SCAMP1: variants seen among roughly 807,000 people sequenced by gnomAD.
The protein encoded by SCAMP1 is secretory carrier membrane protein 1, also known as secretory carrier-associated membrane protein 1.
A neutral mutation model predicts 41.8 loss-of-function variants in SCAMP1; 15 were observed. The ratio of observed to expected loss-of-function variants is 0.36; its 90% CI spans 0.24 to 0.55. SCAMP1 has a LOEUF of 0.55. Among genes scored for constraint, SCAMP1 ranks in the 20% least tolerant of loss-of-function variants. The pLI is 0.86. For missense variants in SCAMP1, 341 were observed against 412.6 expected (o/e 0.83, Z 1.50); for synonymous variants, 135 against 136.8 (o/e 0.99, Z 0.09).
chr5:78,390,098 C>T (rs1355577447), intron 2 of SCAMP1, among the ~76,000 whole-genome samples: 1 of 152,078 alleles, frequency 6.6e-6, no homozygotes, highest in Admixed American at 6.5e-5. Flanking sequence ...GAGCCCTTAA[C>T]CTGTGGGATC....
chr5:78,425,971 G>A (rs1231344667), intron 6 of SCAMP1, among the ~76,000 whole-genome samples: 2 of 150,834 alleles, frequency 1.3e-5, no homozygotes, highest in Non-Finnish European at 2.9e-5. Flanking sequence ...ACAGGCCCTG[G>A]TTTGTGATGT....
intron 6 of SCAMP1, among the ~76,000 whole-genome samples, chr5:78,437,526 C>CATAAG (rs1752790152): frequency 6.6e-6 from 1 of 152,134 alleles, no homozygotes; most frequent in African/African-American, 2.4e-5. Context: ...TATTGATTTG[C>CATAAG]GCATGTTGAA....
chr5:78,417,697 G>T (rs900548305), intron 4 of SCAMP1, among the ~76,000 whole-genome samples: 15 of 152,106 alleles, frequency 9.9e-5, no homozygotes, highest in African/African-American at 3.6e-4. Flanking sequence ...AGAGTAAGTT[G>T]CCCAAGGCGA....
intron 1 of SCAMP1, among the ~76,000 whole-genome samples, chr5:78,371,184 C>G (rs1453934785): frequency 1.3e-5 from 2 of 152,012 alleles, no homozygotes; most frequent in African/African-American, 4.8e-5. Flanking sequence ...GTTCAAATTA[C>G]CTATTTTTTG....
intron 2 of SCAMP1, among the ~76,000 whole-genome samples, chr5:78,400,760 AT>A (rs899292719): frequency 6.6e-6 from 1 of 152,026 alleles, no homozygotes; most frequent in African/African-American, 2.4e-5. Flanking sequence ...GTACCATTGA[AT>A]TTTCCATGTT....
intron 6 of SCAMP1, among the ~76,000 whole-genome samples, chr5:78,424,884 AAG>A (rs1752428382): frequency 3.3e-5 from 5 of 152,236 alleles, no homozygotes; most frequent in Admixed American, 2.6e-4. Flanking sequence ...CAGACTGAGA[AAG>A]AGTATTTGCA....
At chr5:78,465,306 A>C (rs1407070968) in intron 8 of SCAMP1, among the ~76,000 whole-genome samples, 1 of 152,170 alleles carries the variant, frequency 6.6e-6, no homozygotes, top group Non-Finnish European at 1.5e-5. Flanking sequence ...TTGCTTTGGA[A>C]CCATACAACT....
chr5:78,454,603 T>C (rs1580709011), intron 7 of SCAMP1, among the ~76,000 whole-genome samples: 1 of 152,150 alleles, frequency 6.6e-6, no homozygotes, highest in Non-Finnish European at 1.5e-5. Flanking sequence ...TATTGAGGAT[T>C]TTTGCGTCAA....
chr5:78,469,583 A>G (rs962880421), intron 8 of SCAMP1, among the ~76,000 whole-genome samples: 1 of 151,926 alleles, frequency 6.6e-6, no homozygotes, highest in African/African-American at 2.4e-5. Flanking sequence ...CTAAATTATT[A>G]TTATCTTAGG....
chr5:78,430,481 T>C (rs905207528), intron 6 of SCAMP1, among the ~76,000 whole-genome samples: 1 of 151,760 alleles, frequency 6.6e-6, no homozygotes, highest in Non-Finnish European at 1.5e-5. Flanking sequence ...TCATCCTTTC[T>C]GTTTATATAA....
chr5:78,453,324 A>AT lies in SCAMP1; in HGVS notation c.734+3290_734+3291insT, dbSNP rs1753293198. ...TAGGGTTTTTATGGTTTTAGGTCTA[A>AT]CGTTTAAGTCTTTAATCCATCTTGA... On this transcript the variant is annotated intron_variant, in intron 7 of 8. Transcript: ENST00000621999. Among the ~76,000 whole-genome samples the AT allele has an allele frequency of 4.0e-5, 6 of 149,166 alleles. No individual in the cohort carries two copies. In the East Asian group the frequency reaches 9.8e-4, roughly 24 times the overall value.
At chr5:78,387,661 G>C (rs954748139) in intron 1 of SCAMP1, among the ~76,000 whole-genome samples, 1 of 152,090 alleles carries the variant, frequency 6.6e-6, no homozygotes, top group Non-Finnish European at 1.5e-5. Flanking sequence ...CCCTTGATGT[G>C]GTGCTCCTCC....
intron 8 of SCAMP1, among the ~76,000 whole-genome samples, chr5:78,460,751 T>TCCGTCCGTC (rs1388438876): frequency 1.0e-4 from 1 of 9,830 alleles, no homozygotes; most frequent in African/African-American, 5.3e-4. Context: ...TCTCCTTCCT[T>TCCGTCCGTC]CCTTCCTTCC....
In SCAMP1 at chr5:78,449,916, CTTT is replaced by C; in HGVS notation, c.633-8_633-6del. ...CCCTAACCCCCTTTTTTCTTTCTTT[CTTT>C]TTTTTTTTCAAAGGAGTGACAGTTC... On this transcript the variant is annotated splice_polypyrimidine_tract_variant and intron_variant, in intron 6 of 8. Coordinates refer to ENST00000621999, the MANE Select transcript of SCAMP1 (RefSeq NM_004866.6). 2 of 1,089,500 alleles carry C rather than the reference CTTT, an allele frequency of 1.8e-6. No individual in the cohort carries two copies. Among genetic ancestry groups the C allele is most frequent in the South Asian group, 1.9e-5 (1 of 53,484 alleles). The allele number at this position is 1,089,500 out of a possible 1,614,324, so 67.5% of individuals were successfully genotyped here. A position where few individuals can be genotyped will look rare whatever the true frequency, so the allele number is the denominator to read the frequency against.
At chr5:78,432,692 G>A (rs1481582539) in intron 6 of SCAMP1, among the ~76,000 whole-genome samples, 1 of 151,870 alleles carries the variant, frequency 6.6e-6, no homozygotes, top group African/African-American at 2.4e-5. Flanking sequence ...GTACGTGTGT[G>A]CAATGTGTGT....
intron 2 of SCAMP1, among the ~76,000 whole-genome samples, chr5:78,397,270 C>G (rs1389761902): frequency 6.6e-6 from 1 of 152,188 alleles, no homozygotes; most frequent in Non-Finnish European, 1.5e-5. Context: ...GCTGGAATAA[C>G]TGGATGTCCA....
rs565170634 is a variant in SCAMP1, at chr5:78,420,327, G to GA, written c.472+1428dup. 1.4e-4 allele frequency among the ~76,000 whole-genome samples: 21 copies of GA among 152,242 alleles called. No individual in the cohort carries two copies. The East Asian group carries it at 3.7e-3, about 27-fold the overall frequency. ...AGTGGATTAGGAAATAACCTAATTTGAAAATTGAAATTTAAGTTAGAATGT... is the reference window on the plus strand; with the variant it reads ...AGTGGATTAGGAAATAACCTAATTTGAAAAATTGAAATTTAAGTTAGAATGT... On this transcript the variant is annotated intron_variant, in intron 5 of 8. Transcript: ENST00000621999.
At chr5:78,443,474 CAG>C (rs2039917847) in intron 6 of SCAMP1, among the ~76,000 whole-genome samples, 1 of 151,948 alleles carries the variant, frequency 6.6e-6, no homozygotes, top group African/African-American at 2.4e-5. Context: ...ATAGAGGATT[CAG>C]AGTTTGCACC....
At chr5:78,392,943 T>C (rs1033672245) in intron 2 of SCAMP1, among the ~76,000 whole-genome samples, 2 of 152,204 alleles carry the variant, frequency 1.3e-5, no homozygotes, top group African/African-American at 2.4e-5. Flanking sequence ...GGACAGTGTT[T>C]GTGAAACTGA....
Sources: gnomAD v4.1 joint callset for allele counts (sites outside exome capture counted in the v4.1 genomes callset) on GRCh38, gnomAD v4.1.1 for gene constraint, MANE v1.5 for transcripts, NCBI Gene and HGNC (gene_info 2026-07-23, HGNC 2026-07-21) for gene names.